Variants in ORC5 observed in about 807,000 individuals in gnomAD.
ORC5 encodes origin recognition complex subunit 5.
In ORC5, 39 loss-of-function variants were observed where a neutral mutation model predicts 58.8. The ratio of observed to expected loss-of-function variants is 0.66; its 90% CI spans 0.51 to 0.87. ORC5 has a LOEUF of 0.87. Ranked by LOEUF, ORC5 falls within the 40% of genes least tolerant of loss-of-function variation. ORC5 has a pLI of 0.00. For synonymous variants in ORC5, 218 were observed against 177.6 expected (o/e 1.23, Z -1.81); for missense variants, 493 against 506.3 (o/e 0.97, Z 0.25).
intron 12 of ORC5, among the ~76,000 whole-genome samples, chr7:104,149,421 T>C (rs1562807491): frequency 6.6e-6 from 1 of 152,156 alleles, no homozygotes; most frequent in Non-Finnish European, 1.5e-5. Flanking sequence ...TCTTGTCCGT[T>C]TTGTCAAGCT....
At chr7:104,175,149 C>A (rs12056186) in intron 8 of ORC5, among the ~76,000 whole-genome samples, 64,197 of 151,990 alleles carry the variant, frequency 0.42, 15,925 homozygotes, top group Non-Finnish European at 0.57. Context: ...TGGTAGAATT[C>A]TTTCTTCTGG....
At chr7:104,143,014 A>T (rs1798696713) in intron 12 of ORC5, among the ~76,000 whole-genome samples, 1 of 152,200 alleles carries the variant, frequency 6.6e-6, no homozygotes, top group Non-Finnish European at 1.5e-5. Flanking sequence ...TGAAGAGTGA[A>T]CATAGTCTTT....
In ORC5 at chr7:104,136,653, A is replaced by G. The variant is rs1562802793; in HGVS notation, c.1262+128T>C. The G allele has an allele frequency of 1.1e-5, 7 of 611,418 alleles. No homozygotes were observed. Among genetic ancestry groups the G allele is most frequent in the South Asian group, 2.3e-5 (1 of 43,918 alleles). 37.9% of individuals were successfully genotyped at this position (611,418 alleles called of 1,614,324 possible). ...TTTGAGAAGGTTCATTCTATCGTAC[A>G]GCTTATTCATTCTTGGCACTTAAAT... On this transcript the variant is annotated intron_variant, in intron 13 of 13. Transcript: ENST00000297431. This position sits in a 1 kb window ranked among gnomAD's most constrained non-coding sequence, Gnocchi z 4.2.
intron 1 of ORC5, among the ~76,000 whole-genome samples, chr7:104,206,072 C>A (rs1473725785): frequency 6.6e-6 from 1 of 152,160 alleles, no homozygotes; most frequent in Non-Finnish European, 1.5e-5. Context: ...TCTCTGCTAT[C>A]CATTACATGT....
chr7:104,159,818 T>G (rs564458028), intron 12 of ORC5, among the ~76,000 whole-genome samples: 1 of 152,310 alleles, frequency 6.6e-6, no homozygotes, highest in African/African-American at 2.4e-5. Flanking sequence ...AAAGACCTGA[T>G]AATTCAAAAT....
intron 2 of ORC5, among the ~76,000 whole-genome samples, chr7:104,202,045 A>G (rs1265349422): frequency 6.6e-6 from 1 of 152,170 alleles, no homozygotes; most frequent in Non-Finnish European, 1.5e-5. Context: ...AGCTATGATC[A>G]TAACACTGCA....
At chr7:104,196,707 AATAC>A (rs1418261778) in intron 4 of ORC5, among the ~76,000 whole-genome samples, 1 of 152,192 alleles carries the variant, frequency 6.6e-6, no homozygotes, top group Non-Finnish European at 1.5e-5. Context: ...TTAATACTTT[AATAC>A]ATACAAACAT....
rs79121217 is a variant in ORC5, at chr7:104,161,430, A to G, written c.1039-248T>C. ...CAGGCTGGAATGCAGTGGCAGCGCA[A>G]TCATGGCTCACTACAGCCTTGAATT... On this transcript the variant is annotated intron_variant, in intron 11 of 13. Transcript: ENST00000297431. 1.5e-3 allele frequency among the ~76,000 whole-genome samples: 235 copies of G among 152,226 alleles called. 2 individuals are homozygous for G. Among genetic ancestry groups the G allele is most frequent in the African/African-American group, 5.1e-3 (213 of 41,528 alleles).
Position 104,188,226 on chromosome 7 carries a change from A to G in ORC5, c.684+25T>C, listed in dbSNP as rs1391481094. 4 of 1,551,236 alleles carry G rather than the reference A, an allele frequency of 2.6e-6. No homozygotes were observed. The Admixed American group carries it at 6.7e-5, about 26-fold the overall frequency. On this transcript the variant is annotated intron_variant, in intron 6 of 13. Coordinates refer to ENST00000297431, the MANE Select transcript of ORC5 (RefSeq NM_002553.4). ...CACACACACACACACACATATATAT[A>G]TATTCAAGCAAAATGTTCATTTACC...
Position 104,184,031 on chromosome 7 carries a change from T to G in ORC5, c.736A>C (p.Ser246Arg). The G allele has an allele frequency of 6.2e-7, 1 of 1,612,512 alleles. No homozygotes were observed. ...YCEPVVKGEASERDTRKLWRN... is the reference protein window; with the variant it reads ...YCEPVVKGEARERDTRKLWRN... ...CACAGTTTGCGAGTATCACGTTCAC[T>G]TGCTACCCCAAAGGGAAGAAAATTT... Residue 246 changes from serine to arginine, a missense_variant and splice_region_variant, in exon 8 of 14, where the codon AGT (serine) becomes CGT (arginine). Ser to Arg is a moderately radical substitution (Grantham distance 110). Transcript: ENST00000297431.
At chr7:104,158,014 A>C (rs1798956604) in intron 12 of ORC5, among the ~76,000 whole-genome samples, 1 of 152,082 alleles carries the variant, frequency 6.6e-6, no homozygotes, top group African/African-American at 2.4e-5. Context: ...TTAAACTATT[A>C]TTTCTCTATT....
intron 12 of ORC5, among the ~76,000 whole-genome samples, chr7:104,147,424 TTTTA>T (rs1798774466): frequency 6.6e-6 from 1 of 152,204 alleles, no homozygotes; most frequent in South Asian, 2.1e-4. Flanking sequence ...AAAGTTCTGT[TTTTA>T]TTTGTTTGTT....
chr7:104,149,555 A>C (rs1446311743), intron 12 of ORC5, among the ~76,000 whole-genome samples: 1 of 152,174 alleles, frequency 6.6e-6, no homozygotes, highest in African/African-American at 2.4e-5. Flanking sequence ...TTTTGTTTTT[A>C]AAAAACTGTA....
chr7:104,189,436 C>T (rs1192348165), intron 5 of ORC5, among the ~76,000 whole-genome samples: 1 of 152,058 alleles, frequency 6.6e-6, no homozygotes, highest in African/African-American at 2.4e-5. Context: ...CCCTCCATGA[C>T]ATGTGGGGAT....
rs776045440 is a variant in ORC5 at position 104,207,845 on chromosome 7, G to A, written c.60C>T (p.Ser20=). The A allele has an allele frequency of 1.5e-5, 25 of 1,614,070 alleles. No individual in the cohort carries two copies. In the South Asian group the frequency reaches 2.7e-4, roughly 18 times the overall value. ...CRESQVSILQ[S]LFGERHHFSF... ...TTAACTACAATACCTCTCCAAACAA[G>A]GACTGCAAGATGGACACTTGAGACT... is the stretch of plus-strand genomic sequence containing the variant. Residue 20 remains serine (S), a synonymous_variant, in exon 1 of 14, where the codon TCC becomes TCT. Coordinates refer to ENST00000297431, the MANE Select transcript of ORC5 (RefSeq NM_002553.4).
At chr7:104,197,658 G>C (rs117672495) in intron 4 of ORC5, 67 bp downstream of exon 4, 1 of 1,052,714 alleles carries the variant, frequency 9.5e-7, no homozygotes, top group East Asian at 2.5e-5. Context: ...ATAGCAAAAT[G>C]AAAAACTTTT....
rs1384335949 is a variant in ORC5 at position 104,133,592 on chromosome 7, T to C, written c.1262+3189A>G. On this transcript the variant is annotated intron_variant, in intron 13 of 13. Transcript: ENST00000297431. The surrounding 1 kb of genome is among the most constrained non-coding windows in gnomAD (Gnocchi z 4.7). ...GGGAAACAGCAATAAAGGTCAAGAA[T>C]ATTATAAAAAATAGGTCTGGTCTTT... 2.0e-5 allele frequency among the ~76,000 whole-genome samples: 3 copies of C among 152,234 alleles called. No homozygotes were observed. The highest frequency in any genetic ancestry group is 2.0e-4 in the Admixed American group (3 of 15,294).
intron 13 of ORC5, among the ~76,000 whole-genome samples, chr7:104,130,430 CA>C (rs1481604323): frequency 6.6e-6 from 1 of 152,176 alleles, no homozygotes; most frequent in Non-Finnish European, 1.5e-5. Context: ...CAGCTCCTTC[CA>C]ATGAATGTTT....
At position 104,206,347 on chromosome 7, in the gene ORC5, A is replaced by T. The variant is rs771703045; in HGVS notation, c.72+1486T>A. 2.0e-5 allele frequency among the ~76,000 whole-genome samples: 3 copies of T among 152,164 alleles called. No homozygotes were observed. The South Asian group carries it at 6.2e-4, about 32-fold the overall frequency. On this transcript the variant is annotated intron_variant, in intron 1 of 13. Coordinates refer to ENST00000297431, the MANE Select transcript of ORC5 (RefSeq NM_002553.4). The stretch of plus-strand genomic sequence containing the variant: ...ATGCACAGCACCTTGCAGAAAACTG[A>T]TATTAAAATATTGTTAAACATAATT...
Sources: gnomAD v4.1 joint callset for allele counts (sites outside exome capture counted in the v4.1 genomes callset) on GRCh38, gnomAD v4.1.1 for gene constraint, Gnocchi (gnomAD v3.1) non-coding constraint, MANE v1.5 for transcripts, NCBI Gene and HGNC (gene_info 2026-07-23, HGNC 2026-07-21) for gene names.